KRIT1: variants seen among roughly 807,000 people sequenced by gnomAD.
KRIT1 encodes the protein krev interaction trapped protein 1.
KRIT1 carries 45 observed loss-of-function variants against 95.8 expected under a neutral mutation model. That is an observed-to-expected ratio of 0.47 (90% CI 0.37 to 0.60). The LOEUF is 0.60. Among genes scored for constraint, KRIT1 ranks in the 20% least tolerant of loss-of-function variants. KRIT1 has a pLI of 0.00. For synonymous variants in KRIT1, 282 were observed against 278.8 expected (o/e 1.01, Z -0.11); for missense variants, 788 against 877.5 (o/e 0.90, Z 1.29).
intron 8 of KRIT1, 116 bp from the exon 9 acceptor site, chr7:92,235,039 G>A (rs576851933): frequency 1.5e-6 from 1 of 681,118 alleles, no homozygotes; most frequent in African/African-American, 1.8e-5. Context: ...TTGCTCTGTT[G>A]CCCAGGCTGG....
intron 17 of KRIT1, among the ~76,000 whole-genome samples, chr7:92,202,530 A>G (rs1375033000): frequency 2.0e-5 from 3 of 152,222 alleles, no homozygotes; most frequent in African/African-American, 7.2e-5. Context: ...TTTAAGATAC[A>G]TATGTTTAGA....
At chr7:92,204,355 C>A (rs999509070) in intron 17 of KRIT1, among the ~76,000 whole-genome samples, 2 of 151,862 alleles carry the variant, frequency 1.3e-5, no homozygotes, top group South Asian at 2.1e-4. Flanking sequence ...CTTTTTGGTG[C>A]CAGGGATCGG....
chr7:92,233,241 C>T (rs1231154140), intron 10 of KRIT1, among the ~76,000 whole-genome samples: 9 of 151,478 alleles, frequency 5.9e-5, no homozygotes, highest in Admixed American at 5.9e-4. Context: ...ATATTAAAAT[C>T]AGATAAATCA....
Position 92,234,587 on chromosome 7 carries a change from C to A in KRIT1, c.851G>T (p.Arg284Leu). The change falls in exon 10 of 19, where the codon CGA becomes CTA. Residue 284 changes from arginine (R) to leucine (L), a missense_variant. Around this residue, in one of 3 missense-constraint regions of KRIT1, gnomAD observed 493 missense variants for 582.3 expected, o/e 0.85. Coordinates refer to ENST00000394505, the MANE Select transcript of KRIT1 (RefSeq NM_194454.3). The stretch of plus-strand genomic sequence containing the variant: ...GAGAGGAAAATCATCTACCCACTGT[C>A]GTTCCCTAATCATTAAAAAGAAATT... ...SMSSVTEDKE[R>L]QWVDDFPLHR... is the part of the protein sequence containing the mutation. 6.2e-7 allele frequency: 1 copy of A among 1,612,648 alleles called. No individual in the cohort carries two copies.
rs1800286666 is a variant in KRIT1, at chr7:92,244,026, CATGTGAAAAGGA to C, written c.-39_-28del. On this transcript the variant is annotated 5_prime_UTR_variant, in exon 3 of 19. An upstream start codon of the reference 5' UTR is lost. Coordinates refer to ENST00000394505, the MANE Select transcript of KRIT1 (RefSeq NM_194454.3). ...CCTCATGCAACAGACCTTCCTACAT[CATGTGAAAAGGA>C]TGAGGCCTTTTTCTTCTCAGAATTT... 1 of 152,110 alleles carries C rather than the reference CATGTGAAAAGGA, an allele frequency of 6.6e-6. No homozygotes were observed. The highest frequency in any genetic ancestry group is 1.5e-5 in the Non-Finnish European group (1 of 67,986). 9.4% of individuals were successfully genotyped at this position (152,110 alleles called of 1,614,324 possible). A position where few individuals can be genotyped will look rare whatever the true frequency, so the allele number is the denominator to read the frequency against.
At chr7:92,204,361 A>T (rs1790893766) in intron 17 of KRIT1, among the ~76,000 whole-genome samples, 1 of 151,862 alleles carries the variant, frequency 6.6e-6, no homozygotes, top group Non-Finnish European at 1.5e-5. Flanking sequence ...GGTGCCAGGG[A>T]TCGGTTTCGT....
intron 5 of KRIT1, among the ~76,000 whole-genome samples, chr7:92,239,284 A>G (rs1328384833): frequency 6.6e-6 from 1 of 152,204 alleles, no homozygotes; most frequent in Non-Finnish European, 1.5e-5. Context: ...GATCTCTTCC[A>G]TATCCCTCTG....
In KRIT1 at chr7:92,241,032, T is replaced by C. The variant is rs1799508200; in HGVS notation, c.223A>G (p.Thr75Ala). Residue 75 changes from threonine (T) to alanine (A), a missense_variant, in exon 5 of 19, where the codon ACC (threonine) becomes GCC (alanine). Around this residue, in one of 3 missense-constraint regions of KRIT1, gnomAD observed 289 missense variants for 277.5 expected, o/e 1.04. Coordinates refer to ENST00000394505, the MANE Select transcript of KRIT1 (RefSeq NM_194454.3). ...TTTGCAGGAGAAATTGGTTTGGTGG[T>C]TTCTACTACGTAATCCAATATGCCT... ...TQGILDYVVE[T>A]TKPISPANQG... 1.9e-6 allele frequency: 3 copies of C among 1,613,042 alleles called. No individual in the cohort carries two copies. The Admixed American group carries it at 5.0e-5, about 27-fold the overall frequency.
intron 14 of KRIT1, among the ~76,000 whole-genome samples, chr7:92,218,800 T>A (rs2131384857): frequency 6.6e-6 from 1 of 152,314 alleles, no homozygotes; most frequent in Middle Eastern, 3.4e-3. Context: ...CTTTTCACTT[T>A]CTTAATAATG....
chr7:92,209,465 C>A (rs1164477802), intron 17 of KRIT1, among the ~76,000 whole-genome samples: 1 of 152,118 alleles, frequency 6.6e-6, no homozygotes, highest in Admixed American at 6.5e-5. Flanking sequence ...AAGACCTAGA[C>A]TCTACCAAAA....
At chr7:92,201,864 C>T (rs925358367) in intron 17 of KRIT1, among the ~76,000 whole-genome samples, 2 of 152,148 alleles carry the variant, frequency 1.3e-5, no homozygotes, top group African/African-American at 2.4e-5. Context: ...TTTCAAAGCA[C>T]CCCGCACTAA....
chr7:92,234,612 T>A lies in KRIT1; in HGVS notation c.846-20A>T. ...CGTTCCCTAATCATTAAAAAGAAAT[T>A]TTGAAAAATACAACAGGACTGTAAA... On this transcript the variant is annotated intron_variant, in intron 9 of 18. Transcript: ENST00000394505. 1 of 1,605,020 alleles carries A rather than the reference T, an allele frequency of 6.2e-7. No homozygotes were observed. The highest frequency in any genetic ancestry group is 2.2e-5 in the East Asian group (1 of 44,808).
At chr7:92,234,386 G>T (rs2027950) in intron 10 of KRIT1, 63 bp downstream of exon 10, 1 of 1,223,306 alleles carries the variant, frequency 8.2e-7, no homozygotes, top group Non-Finnish European at 1.2e-6. Context: ...TGAAAAGAAG[G>T]ACTAACATTT....
chr7:92,241,918 C>T, intron 4 of KRIT1, 116 bp downstream of exon 4: 1 of 670,762 alleles, frequency 1.5e-6, no homozygotes, highest in Non-Finnish European at 2.6e-6. Flanking sequence ...TGGGCAGAGA[C>T]CTAAAATAAT....
intron 18 of KRIT1, among the ~76,000 whole-genome samples, chr7:92,201,045 AC>A (rs1041510064): frequency 3.5e-4 from 54 of 152,292 alleles, no homozygotes; most frequent in South Asian, 3.3e-3. Flanking sequence ...CTACCTAATA[AC>A]TTGATAGATG....
chr7:92,236,457 A>C lies in KRIT1; in HGVS notation c.441T>G (p.Thr147=). Residue 147 remains threonine, a synonymous_variant, in exon 7 of 19, where the codon ACT becomes ACG. Transcript: ENST00000394505. ...DIMRVCSESS[T]HFATLTARML... Reference sequence around the variant, plus strand: ...TCCTTGCTGTAAGTGTAGCAAAATGAGTACTGGATTCACTACAGACTCGCA... The same window carrying C: ...TCCTTGCTGTAAGTGTAGCAAAATGCGTACTGGATTCACTACAGACTCGCA... The C allele has an allele frequency of 6.2e-7, 1 of 1,604,976 alleles. No homozygotes were observed. Among genetic ancestry groups the C allele is most frequent in the South Asian group, 1.1e-5 (1 of 90,902 alleles).
chr7:92,238,451 A>AT (rs1798884695), intron 5 of KRIT1, among the ~76,000 whole-genome samples: 1 of 152,222 alleles, frequency 6.6e-6, no homozygotes, highest in Non-Finnish European at 1.5e-5. Flanking sequence ...CAGGTAAATG[A>AT]TAAGACTTCA....
intron 17 of KRIT1, among the ~76,000 whole-genome samples, chr7:92,203,488 T>C (rs1790681464): frequency 6.6e-6 from 1 of 152,252 alleles, no homozygotes; most frequent in African/African-American, 2.4e-5. Flanking sequence ...TTTCTATTTA[T>C]AGTTCAAGAA....
In KRIT1 at chr7:92,224,684, T is replaced by G. The variant is rs535826596; in HGVS notation, c.1254+1036A>C. Among the ~76,000 whole-genome samples the G allele has an allele frequency of 3.3e-5, 5 of 152,310 alleles. No individual in the cohort carries two copies. The South Asian group carries it at 1.0e-3, about 32-fold the overall frequency. On this transcript the variant is annotated intron_variant, in intron 12 of 18. Transcript: ENST00000394505. ...TTGTAATTAGATGGAAAGGCCAGGTTGAGTTAGCAGAATAAAAAAGCTTGG... is the reference window on the plus strand; with the variant it reads ...TTGTAATTAGATGGAAAGGCCAGGTGGAGTTAGCAGAATAAAAAAGCTTGG...
Sources: allele counts gnomAD v4.1 joint callset (sites outside exome capture counted in the v4.1 genomes callset), GRCh38; gene constraint gnomAD v4.1.1; regional missense constraint gnomAD v4.1.1; transcripts MANE v1.5; gene names NCBI Gene and HGNC (gene_info 2026-07-23, HGNC 2026-07-21).